The following TNFAIP8 variants were observed in gnomAD, a reference collection of about 807,000 sequenced individuals.
TNFAIP8 encodes tumor necrosis factor alpha-induced protein 8.
TNFAIP8 carries 7 observed loss-of-function variants against 13.3 expected under a neutral mutation model. That is an observed-to-expected ratio of 0.52 (90% CI 0.30 to 0.99). The LOEUF (loss-of-function observed/expected upper bound fraction) is 0.99. Ranked by LOEUF, TNFAIP8 falls within the 50% of genes least tolerant of loss-of-function variation. The pLI is 0.07. For missense variants in TNFAIP8, 258 were observed against 236.9 expected (o/e 1.09, Z -0.58); for synonymous variants, 94 against 87.6 (o/e 1.07, Z -0.41).
At chr5:119,296,042 T>C (rs1401850023) in intron 1 of TNFAIP8, among the ~76,000 whole-genome samples, 1 of 150,074 alleles carries the variant, frequency 6.7e-6, no homozygotes, top group African/African-American at 2.5e-5. Flanking sequence ...ACAATGGGGT[T>C]TTCTAGATAT....
rs144023886 is a variant in TNFAIP8 at position 119,299,970 on chromosome 5, G to A, written c.1+31063G>A. On this transcript the variant is annotated intron_variant, in intron 1 of 1. Transcript: ENST00000274456. ...TTTTTAGGCCCGTCGGAAAAGCGCA[G>A]TATTAGCGTGGGAGTGACCCGATTT... Among the ~76,000 whole-genome samples the A allele has an allele frequency of 3.4e-3, 516 of 152,356 alleles. 2 individuals carry two copies. The highest frequency in any genetic ancestry group is 0.012 in the African/African-American group (504 of 41,576).
rs115399706 is a variant in TNFAIP8 at position 119,359,292 on chromosome 5, A to G, written c.31+3171A>G. Among the ~76,000 whole-genome samples, 660 of 151,724 alleles carry G rather than the reference A, an allele frequency of 4.3e-3. 8 individuals are homozygous for G. The highest frequency in any genetic ancestry group is 0.015 in the African/African-American group (604 of 41,344). On this transcript the variant is annotated intron_variant, in intron 1 of 1. Coordinates refer to ENST00000504771, the MANE Select transcript of TNFAIP8 (RefSeq NM_014350.4). The stretch of plus-strand genomic sequence containing the variant: ...CCCAAAATATCCTTCTCTCCACCTG[A>G]CCTCCTTTTCTTGGTCAGCTCTTTA...
intron 1 of TNFAIP8, chr5:119,391,609 A>G: frequency 6.2e-6 from 3 of 482,154 alleles, no homozygotes; most frequent in Non-Finnish European, 1.2e-5. Context: ...AAAATACACA[A>G]TTAGCCGGGC....
rs1186410349 is a variant in TNFAIP8 at position 119,396,940 on chromosome 5, G to A, written c.*3559G>A. On this transcript the variant is annotated 3_prime_UTR_variant, in exon 2 of 2. Transcript: ENST00000504771. ...ACCTGGGAGGCAGAGGTTGCAGTGA[G>A]CTGAGATTGTACCACTGCACTGCAG... 1 of 141,090 alleles carries A rather than the reference G, an allele frequency of 7.1e-6. No individual in the cohort carries two copies. The highest frequency in any genetic ancestry group is 7.7e-5 in the Admixed American group (1 of 13,014). The allele number at this position is 141,090 out of a possible 1,614,324, so 8.7% of individuals were successfully genotyped here.
chr5:119,300,241 C>G (rs1749343690), intron 1 of TNFAIP8, among the ~76,000 whole-genome samples: 1 of 152,352 alleles, frequency 6.6e-6, no homozygotes, highest in Non-Finnish European at 1.5e-5. Context: ...TGTTCCTAAT[C>G]AGCCATCTTG....
chr5:119,285,225 A>G (rs949750040), intron 1 of TNFAIP8, among the ~76,000 whole-genome samples: 5 of 152,196 alleles, frequency 3.3e-5, no homozygotes, highest in Non-Finnish European at 7.3e-5. Flanking sequence ...CCTCTGGGCC[A>G]TAATTGGTAT....
intron 1 of TNFAIP8, among the ~76,000 whole-genome samples, chr5:119,334,671 G>A (rs552874021): frequency 6.7e-6 from 1 of 148,150 alleles, no homozygotes; most frequent in South Asian, 2.2e-4. Context: ...ATACCTGGGA[G>A]TCTGAGGCAG....
chr5:119,342,021 C>A (rs1464488225), intron 1 of TNFAIP8, among the ~76,000 whole-genome samples: 1 of 151,926 alleles, frequency 6.6e-6, no homozygotes, highest in Non-Finnish European at 1.5e-5. Flanking sequence ...TGTTTCCTAT[C>A]TGGGGTGCCC....
chr5:119,380,923 A>T (rs974685729), intron 1 of TNFAIP8, among the ~76,000 whole-genome samples: 1 of 152,188 alleles, frequency 6.6e-6, no homozygotes, highest in African/African-American at 2.4e-5. Context: ...TTGTGAAAAA[A>T]ATCTTGAGAG....
intron 1 of TNFAIP8, among the ~76,000 whole-genome samples, chr5:119,350,213 GA>G (rs1254885526): frequency 6.6e-6 from 1 of 151,998 alleles, no homozygotes; most frequent in Admixed American, 6.6e-5. Flanking sequence ...TATTCTGAGG[GA>G]AAAAAAATTC....
chr5:119,370,825 C>T (rs1313262131), intron 1 of TNFAIP8, among the ~76,000 whole-genome samples: 2 of 152,302 alleles, frequency 1.3e-5, no homozygotes, highest in Middle Eastern at 3.4e-3. Context: ...CCCGTTGATA[C>T]TTTATTAGAT....
At chr5:119,347,771 C>A (rs1411020613) in intron 1 of TNFAIP8, among the ~76,000 whole-genome samples, 1 of 152,222 alleles carries the variant, frequency 6.6e-6, no homozygotes, top group African/African-American at 2.4e-5. Context: ...TCACCACCTG[C>A]TGAGTTTTTC....
At chr5:119,337,264 A>G (rs531855190) in intron 1 of TNFAIP8, among the ~76,000 whole-genome samples, 12 of 152,332 alleles carry the variant, frequency 7.9e-5, no homozygotes, top group African/African-American at 2.9e-4. Context: ...ATTTGTTTGT[A>G]TAGCACTATT....
intron 1 of TNFAIP8, among the ~76,000 whole-genome samples, chr5:119,313,670 A>G (rs564946875): frequency 2.0e-5 from 3 of 152,356 alleles, no homozygotes; most frequent in African/African-American, 7.2e-5. Context: ...TGGAAGTACA[A>G]ATTATGTGTG....
chr5:119,322,698 G>A (rs1379239337), intron 1 of TNFAIP8, among the ~76,000 whole-genome samples: 1 of 152,006 alleles, frequency 6.6e-6, no homozygotes, highest in African/African-American at 2.4e-5. Flanking sequence ...CTTCCTCTTT[G>A]TCCAATATCA....
chr5:119,344,548 G>A (rs1458215633), intron 1 of TNFAIP8, among the ~76,000 whole-genome samples: 1 of 152,202 alleles, frequency 6.6e-6, no homozygotes, highest in Non-Finnish European at 1.5e-5. Flanking sequence ...ATGGGTGCAA[G>A]GACTGAGGCA....
chr5:119,291,216 GC>G (rs1368891646), intron 1 of TNFAIP8, among the ~76,000 whole-genome samples: 2 of 152,176 alleles, frequency 1.3e-5, no homozygotes, highest in Non-Finnish European at 2.9e-5. Context: ...CAAGTAGATA[GC>G]AAGGGCTATA....
Position 119,274,701 on chromosome 5 carries a change from C to T in TNFAIP8, c.1+5794C>T, listed in dbSNP as rs150403457. Among the ~76,000 whole-genome samples the T allele has an allele frequency of 2.7e-3, 418 of 152,324 alleles. 1 individual carries two copies. Among genetic ancestry groups the T allele is most frequent in the African/African-American group, 9.5e-3 (397 of 41,578 alleles). Reference sequence around the variant, plus strand: ...CTCCTGAGGAAGCAAGGATTCCCTGCCCTGTGTACCTGTGGTGCTTATCAC... The same window carrying T: ...CTCCTGAGGAAGCAAGGATTCCCTGTCCTGTGTACCTGTGGTGCTTATCAC... On this transcript the variant is annotated intron_variant, in intron 1 of 1. Coordinates refer to the TNFAIP8 transcript ENST00000274456.
chr5:119,310,431 G>T (rs1425837940), intron 1 of TNFAIP8, among the ~76,000 whole-genome samples: 3 of 151,496 alleles, frequency 2.0e-5, no homozygotes, highest in African/African-American at 7.2e-5. Context: ...CCCACTGGAG[G>T]ACTACAGGGC....
Sources: gnomAD v4.1 joint callset for allele counts (sites outside exome capture counted in the v4.1 genomes callset) on GRCh38, gnomAD v4.1.1 for gene constraint, MANE v1.5 for transcripts, NCBI Gene and HGNC (gene_info 2026-07-23, HGNC 2026-07-21) for gene names.